The following ERG variants were observed in gnomAD, a reference collection of about 807,000 sequenced individuals.
The protein encoded by ERG is transcriptional regulator ERG.
Under a neutral mutation model 55.3 loss-of-function variants are expected in ERG, and 9 were observed. The ratio of observed to expected loss-of-function variants is 0.16; its 90% CI spans 0.10 to 0.28. ERG has a LOEUF of 0.28. Ranked by LOEUF, ERG falls within the 10% of genes least tolerant of loss-of-function variation. The pLI is 1.00. For synonymous variants in ERG, 223 were observed against 237.3 expected (o/e 0.94, Z 0.55); for missense variants, 434 against 631.6 (o/e 0.69, Z 3.35).
intron 2 of ERG, among the ~76,000 whole-genome samples, chr21:38,536,887 C>T (rs948138868): frequency 1.3e-5 from 2 of 152,140 alleles, no homozygotes; most frequent in African/African-American, 4.8e-5. Flanking sequence ...CTGACAAAAT[C>T]TCAAGATTTA....
Position 38,629,337 on chromosome 21 carries a change from C to A in ERG, c.-150+32321G>T, listed in dbSNP as rs139857691. Among the ~76,000 whole-genome samples, 446 of 152,352 alleles carry A rather than the reference C, an allele frequency of 2.9e-3. 1 individual carries two copies. Among genetic ancestry groups the A allele is most frequent in the Middle Eastern group, 0.017 (5 of 294 alleles). ...TCTATGAAAGGTGCAAACCTTTCCA[C>A]ACTCAATGGATTCTCATCACAACCA... On this transcript the variant is annotated intron_variant, in intron 1 of 10. Transcript: ENST00000398910.
At chr21:38,644,982 C>T (rs975442083) in intron 1 of ERG, among the ~76,000 whole-genome samples, 13 of 152,038 alleles carry the variant, frequency 8.6e-5, no homozygotes, top group African/African-American at 3.1e-4. Flanking sequence ...CACAGCGAGA[C>T]CCCATCTCTA....
intron 2 of ERG, among the ~76,000 whole-genome samples, chr21:38,521,841 GT>G (rs2059597327): frequency 6.6e-6 from 1 of 152,146 alleles, no homozygotes; most frequent in Non-Finnish European, 1.5e-5. Context: ...GTATTAAAGG[GT>G]GTCTTGGGTA....
upstream of ERG, among the ~76,000 whole-genome samples, chr21:38,499,817 GAGAA>G (rs1173202423): frequency 2.8e-5 from 4 of 141,152 alleles, no homozygotes; most frequent in Admixed American, 2.9e-4. Context: ...AGAAGAGAGA[GAGAA>G]AGGAAGGAGG....
At chr21:38,367,813 C>T in the ERG span, among the ~76,000 whole-genome samples, 39 of 152,148 alleles carry the variant, frequency 2.6e-4, no homozygotes, top group Non-Finnish European at 4.7e-4. Context: ...AATAACGAAA[C>T]CTACGGTACA....
intron 1 of ERG, among the ~76,000 whole-genome samples, chr21:38,580,980 G>A (rs1044062525): frequency 6.6e-6 from 1 of 152,272 alleles, no homozygotes; most frequent in African/African-American, 2.4e-5. Context: ...TGGACATCCC[G>A]ATCCACATGG....
chr21:38,601,397 C>T (rs1483677343), intron 1 of ERG, among the ~76,000 whole-genome samples: 3 of 151,526 alleles, frequency 2.0e-5, no homozygotes, highest in African/African-American at 7.3e-5. Flanking sequence ...AATCCAACAC[C>T]ATATTATTGT....
At chr21:38,400,870 C>T (rs1017422297) in intron 5 of ERG, among the ~76,000 whole-genome samples, 9 of 152,028 alleles carry the variant, frequency 5.9e-5, no homozygotes, top group Admixed American at 4.6e-4. Context: ...TGCTATAAAG[C>T]GTTTTGTGTT....
intron 1 of ERG, among the ~76,000 whole-genome samples, chr21:38,468,238 C>T (rs964528973): frequency 6.6e-6 from 1 of 152,168 alleles, no homozygotes; most frequent in African/African-American, 2.4e-5. Context: ...CTCCCAGCTG[C>T]CACAGCCTGT....
At chr21:38,616,453 G>GA (rs1043483679) in intron 1 of ERG, among the ~76,000 whole-genome samples, 19 of 152,000 alleles carry the variant, frequency 1.3e-4, no homozygotes, top group Non-Finnish European at 2.2e-4. Flanking sequence ...CTGAGACTCA[G>GA]AAAAAAATGT....
chr21:38,386,322 G>C (rs559406808), intron 9 of ERG, among the ~76,000 whole-genome samples: 111 of 152,178 alleles, frequency 7.3e-4, no homozygotes, highest in Non-Finnish European at 1.1e-3. Context: ...AAGAAACCTG[G>C]AAATGCAAAA....
intron 1 of ERG, among the ~76,000 whole-genome samples, chr21:38,627,981 A>T (rs1471927971): frequency 4.1e-5 from 6 of 144,782 alleles, no homozygotes; most frequent in Non-Finnish European, 7.5e-5. Flanking sequence ...TTGCTCTGTC[A>T]TCCAGGTTGG....
chr21:38,519,778 T>C (rs2059580162), intron 2 of ERG, among the ~76,000 whole-genome samples: 1 of 152,162 alleles, frequency 6.6e-6, no homozygotes, highest in South Asian at 2.1e-4. Context: ...CCTACAAGAA[T>C]GTCCACTGCA....
intron 9 of ERG, among the ~76,000 whole-genome samples, chr21:38,384,268 T>C (rs1480904368): frequency 1.3e-5 from 2 of 152,242 alleles, no homozygotes; most frequent in Non-Finnish European, 2.9e-5. Context: ...GGGATTGGGC[T>C]GAAACAGCGT....
At chr21:38,483,652 T>A (rs1342713671) in intron 1 of ERG, among the ~76,000 whole-genome samples, 1 of 151,816 alleles carries the variant, frequency 6.6e-6, no homozygotes, top group Non-Finnish European at 1.5e-5. Flanking sequence ...ATTGAGACCA[T>A]CCTGGCTAAC....
At chr21:38,495,044 C>A (rs1030605612) in intron 1 of ERG, among the ~76,000 whole-genome samples, 1 of 152,220 alleles carries the variant, frequency 6.6e-6, no homozygotes, top group African/African-American at 2.4e-5. Context: ...TCCCGGAATC[C>A]CCCTAAAGTA....
At chr21:38,513,772 A>C (rs2059531831) in intron 2 of ERG, among the ~76,000 whole-genome samples, 1 of 152,168 alleles carries the variant, frequency 6.6e-6, no homozygotes, top group Non-Finnish European at 1.5e-5. Context: ...CCAAAGAAAG[A>C]AGAAGAAAAA....
chr21:38,394,775 TC>T (rs1988131535), intron 6 of ERG, among the ~76,000 whole-genome samples: 1 of 152,160 alleles, frequency 6.6e-6, no homozygotes, highest in Non-Finnish European at 1.5e-5. Context: ...AGAAATGCTA[TC>T]TAGAGTGTGC....
chr21:38,537,037 A>T (rs1601205369), intron 2 of ERG, among the ~76,000 whole-genome samples: 1 of 152,184 alleles, frequency 6.6e-6, no homozygotes, highest in East Asian at 1.9e-4. Flanking sequence ...TGGTTCAAAG[A>T]TCATTTAATG....
Sources: gnomAD v4.1 joint callset for allele counts (sites outside exome capture counted in the v4.1 genomes callset) on GRCh38, gnomAD v4.1.1 for gene constraint, MANE v1.5 for transcripts, NCBI Gene and HGNC (gene_info 2026-07-23, HGNC 2026-07-21) for gene names.